EDIL3: variants seen among roughly 807,000 people sequenced by gnomAD.
EDIL3 encodes EGF-like repeat and discoidin I-like domain-containing protein 3.
Under a neutral mutation model 67.4 loss-of-function variants are expected in EDIL3, and 37 were observed. The ratio of observed to expected loss-of-function variants is 0.55; its 90% CI spans 0.42 to 0.72. The LOEUF (loss-of-function observed/expected upper bound fraction) is 0.72, where lower values mean the gene tolerates loss of function less well. Among genes scored for constraint, EDIL3 ranks in the 30% least tolerant of loss-of-function variants. The pLI is 0.00. For synonymous variants in EDIL3, 195 were observed against 196.3 expected, an observed-to-expected ratio of 0.99 and a Z score of 0.05; for missense variants, 527 against 586.3, an observed-to-expected ratio of 0.90 and a Z score of 1.04.
At chr5:84,294,807 C>T (rs1441098545) in intron 1 of EDIL3, among the ~76,000 whole-genome samples, 1 of 152,166 alleles carries the variant, frequency 6.6e-6, no homozygotes, top group Non-Finnish European at 1.5e-5. Flanking sequence ...TAAATCCCAA[C>T]AATGAATTAA....
chr5:84,143,095 C>A (rs1408635842), intron 4 of EDIL3, among the ~76,000 whole-genome samples: 4 of 151,960 alleles, frequency 2.6e-5, no homozygotes, highest in Non-Finnish European at 5.9e-5. Flanking sequence ...TATGATCTTT[C>A]AATTTCTCTT....
intron 6 of EDIL3, among the ~76,000 whole-genome samples, chr5:84,074,518 C>A (rs4554190): frequency 0.3 from 45,022 of 151,634 alleles, 6,844 homozygotes; most frequent in African/African-American, 0.36. Context: ...AACAAATAAC[C>A]CCATCAAAAA....
At chr5:84,091,913 C>T (rs544216663) in intron 6 of EDIL3, among the ~76,000 whole-genome samples, 1 of 152,112 alleles carries the variant, frequency 6.6e-6, no homozygotes, top group Non-Finnish European at 1.5e-5. Context: ...AATTTTAATA[C>T]CTTTTGTTGA....
intron 1 of EDIL3, among the ~76,000 whole-genome samples, chr5:84,302,638 G>T (rs1255739986): frequency 6.6e-6 from 1 of 152,092 alleles, no homozygotes; most frequent in Non-Finnish European, 1.5e-5. Flanking sequence ...GCCTTACAAG[G>T]TTTGGCATGG....
intron 8 of EDIL3, among the ~76,000 whole-genome samples, chr5:84,062,483 A>G (rs1746564358): frequency 1.3e-5 from 2 of 152,114 alleles, no homozygotes; most frequent in South Asian, 4.1e-4. Flanking sequence ...CTGCTTAGCC[A>G]AAAAATTCAC....
rs368401909 is a variant in EDIL3, at chr5:84,050,675, C to A, written c.1137+9625G>T. ...CACACCAGGAGATTATATCCTGCGC[C>A]TGGCTCAGAGGGTCCCACGCCCACA... On this transcript the variant is annotated intron_variant, in intron 9 of 10. Coordinates refer to ENST00000296591, the MANE Select transcript of EDIL3 (RefSeq NM_005711.5). 1.3e-3 allele frequency among the ~76,000 whole-genome samples: 195 copies of A among 152,348 alleles called. 1 individual carries two copies. The highest frequency in any genetic ancestry group is 3.9e-3 in the African/African-American group (163 of 41,582).
chr5:84,041,307 C>T lies in EDIL3; in HGVS notation c.1137+18993G>A, dbSNP rs530894228. 2.3e-3 allele frequency among the ~76,000 whole-genome samples: 345 copies of T among 151,942 alleles called. 2 individuals are homozygous for T. Among genetic ancestry groups the T allele is most frequent in the African/African-American group, 7.4e-3 (309 of 41,482 alleles). On this transcript the variant is annotated intron_variant, in intron 9 of 10. Transcript: ENST00000296591. ...CACAGACCTAATAACATCAGAATCT[C>T]TGGGGATAAAATTTAAGAATCTCCG...
intron 2 of EDIL3, among the ~76,000 whole-genome samples, chr5:84,241,898 A>G (rs1744800118): frequency 6.6e-6 from 1 of 152,022 alleles, no homozygotes; most frequent in South Asian, 2.1e-4. Flanking sequence ...CACTGTTTTA[A>G]GATCCTTACA....
chr5:84,343,510 G>A (rs963796855), intron 1 of EDIL3, among the ~76,000 whole-genome samples: 16 of 152,024 alleles, frequency 1.1e-4, no homozygotes, highest in African/African-American at 3.9e-4. Flanking sequence ...AGACAGGCCA[G>A]CTCATCCATA....
At chr5:83,988,906 T>A (rs1745099535) in intron 9 of EDIL3, among the ~76,000 whole-genome samples, 1 of 152,082 alleles carries the variant, frequency 6.6e-6, no homozygotes, top group South Asian at 2.1e-4. Flanking sequence ...CATTTCTCAG[T>A]CCCAGACCAA....
chr5:84,042,697 T>C (rs972596477), intron 9 of EDIL3, among the ~76,000 whole-genome samples: 5 of 152,152 alleles, frequency 3.3e-5, no homozygotes, highest in South Asian at 2.1e-4. Context: ...AGAAAATATA[T>C]TGGATACAGA....
chr5:84,016,129 T>C (rs1745599696), intron 9 of EDIL3, among the ~76,000 whole-genome samples: 1 of 152,156 alleles, frequency 6.6e-6, no homozygotes, highest in Non-Finnish European at 1.5e-5. Flanking sequence ...CATTTATAAA[T>C]GAGAACATGT....
chr5:84,090,450 C>T (rs1279407386), intron 6 of EDIL3, among the ~76,000 whole-genome samples: 1 of 152,152 alleles, frequency 6.6e-6, no homozygotes, highest in Non-Finnish European at 1.5e-5. Context: ...GTGATTTCTA[C>T]ATTTTCTCGG....
At chr5:84,200,206 A>C (rs998795801) in intron 3 of EDIL3, among the ~76,000 whole-genome samples, 1 of 152,158 alleles carries the variant, frequency 6.6e-6, no homozygotes, top group African/African-American at 2.4e-5. Context: ...AACATGGCAC[A>C]TGTATACATA....
intron 9 of EDIL3, among the ~76,000 whole-genome samples, chr5:84,020,798 T>G (rs759623599): frequency 4.6e-5 from 7 of 152,046 alleles, no homozygotes; most frequent in Non-Finnish European, 8.8e-5. Flanking sequence ...TAATTCTCCT[T>G]TACATTTCCT....
At chr5:84,181,871 T>C (rs1561455575) in intron 3 of EDIL3, among the ~76,000 whole-genome samples, 1 of 152,104 alleles carries the variant, frequency 6.6e-6, no homozygotes, top group African/African-American at 2.4e-5. Context: ...GAAAAGCCAC[T>C]GAAGAGGAAG....
At chr5:84,122,278 A>G (rs892109118) in intron 5 of EDIL3, among the ~76,000 whole-genome samples, 1 of 152,032 alleles carries the variant, frequency 6.6e-6, no homozygotes, top group Non-Finnish European at 1.5e-5. Context: ...TTCCTAAAAA[A>G]TACAAATGGA....
chr5:83,942,520 A>C lies in EDIL3; in HGVS notation c.*899T>G, dbSNP rs1459075407. The stretch of plus-strand genomic sequence containing the variant: ...ATATAAGGATATGTAATTACCATCT[A>C]AATGAAGATTTAAATTTAAAGAGAC... On this transcript the variant is annotated 3_prime_UTR_variant, in exon 11 of 11. Transcript: ENST00000296591. 6.6e-6 allele frequency: 1 copy of C among 152,072 alleles called. No individual in the cohort carries two copies. The highest frequency in any genetic ancestry group is 1.9e-4 in the East Asian group (1 of 5,178). The allele number at this position is 152,072 out of a possible 1,614,324, so 9.4% of individuals were successfully genotyped here.
chr5:83,955,808 C>A (rs1337334341), intron 10 of EDIL3, among the ~76,000 whole-genome samples: 1 of 151,672 alleles, frequency 6.6e-6, no homozygotes, highest in Non-Finnish European at 1.5e-5. Flanking sequence ...TGTCTTTTAA[C>A]GATGAAGGTT....
Sources: gnomAD v4.1 joint callset for allele counts (sites outside exome capture counted in the v4.1 genomes callset) on GRCh38, gnomAD v4.1.1 for gene constraint, MANE v1.5 for transcripts, NCBI Gene and HGNC (gene_info 2026-07-23, HGNC 2026-07-21) for gene names.